SDK1: variants seen among roughly 807,000 people sequenced by gnomAD.
SDK1 encodes the protein protein sidekick-1.
SDK1 carries 157 observed loss-of-function variants against 245.5 expected under a neutral mutation model. The ratio of observed to expected loss-of-function variants is 0.64; its 90% CI spans 0.56 to 0.73. The LOEUF is 0.73. Among genes scored for constraint, SDK1 ranks in the 30% least tolerant of loss-of-function variants. SDK1 has a pLI of 0.00. For synonymous variants in SDK1, 1,647 were observed against 1,278.5 expected (o/e 1.29, Z -6.15); for missense variants, 3,583 against 3,002.3 (o/e 1.19, Z -4.52).
chr7:3,950,188 A>G lies in SDK1; in HGVS notation c.848-735A>G, dbSNP rs564553507. Among the ~76,000 whole-genome samples the G allele has an allele frequency of 1.6e-4, 24 of 152,302 alleles. No homozygotes were observed. In the East Asian group the frequency reaches 4.4e-3, roughly 28 times the overall value. On this transcript the variant is annotated intron_variant, in intron 5 of 44. Transcript: ENST00000404826. ...CCATGCCCGGTAGGACAGGCTGTGG[A>G]TTGTGCCTGAGGACACTGGCTGTGC... is the stretch of plus-strand genomic sequence containing the variant.
At chr7:3,582,243 C>CCCTCAGGTAGGTCTG (rs1562579656) in intron 1 of SDK1, among the ~76,000 whole-genome samples, 2 of 144,288 alleles carry the variant, frequency 1.4e-5, no homozygotes, top group Non-Finnish European at 3.1e-5. Context: ...AGGTAGGTCT[C>CCCTCAGGTAGGTCTG]CCTCAGGTAG....
chr7:3,418,682 T>G (rs1411778082), intron 1 of SDK1, among the ~76,000 whole-genome samples: 2 of 152,180 alleles, frequency 1.3e-5, no homozygotes, highest in Non-Finnish European at 2.9e-5. Context: ...CCAGGGTATA[T>G]TTTGGGAGGT....
At chr7:3,735,587 C>A (rs1331781778) in intron 4 of SDK1, among the ~76,000 whole-genome samples, 3 of 152,182 alleles carry the variant, frequency 2.0e-5, no homozygotes, top group Non-Finnish European at 4.4e-5. Flanking sequence ...TAAGGTTGTT[C>A]CCACCTTTTT....
At position 3,875,254 on chromosome 7, in the gene SDK1, C is replaced by A. The variant is rs377574664; in HGVS notation, c.847+53671C>A. On this transcript the variant is annotated intron_variant, in intron 5 of 44. Transcript: ENST00000404826. ...GTTCTCTGACAGAGTCAAGAAAAGT[C>A]ATTAGTCTGCACTTCGTCCAGCATT... 8.5e-5 allele frequency among the ~76,000 whole-genome samples: 13 copies of A among 152,268 alleles called. No individual in the cohort carries two copies. The East Asian group carries it at 2.5e-3, about 29-fold the overall frequency.
chr7:3,312,183 C>T (rs1032243138), intron 1 of SDK1, among the ~76,000 whole-genome samples: 7 of 152,142 alleles, frequency 4.6e-5, no homozygotes, highest in Non-Finnish European at 1.0e-4. Context: ...TCTTATAGTG[C>T]AACTAACCTT....
chr7:3,343,519 G>A (rs187319061), intron 1 of SDK1, among the ~76,000 whole-genome samples: 24 of 152,334 alleles, frequency 1.6e-4, no homozygotes, highest in Admixed American at 3.9e-4. Flanking sequence ...GGACATGGAT[G>A]TGGCTAATGA....
chr7:3,509,758 A>G (rs1562530346), intron 1 of SDK1, among the ~76,000 whole-genome samples: 1 of 152,188 alleles, frequency 6.6e-6, no homozygotes, highest in Non-Finnish European at 1.5e-5. Context: ...TCGGCCCTGC[A>G]GAGGATTTCT....
Position 4,113,455 on chromosome 7 carries a change from A to G in SDK1, c.3585+16A>G. 1 of 1,612,870 alleles carries G rather than the reference A, an allele frequency of 6.2e-7. No individual in the cohort carries two copies. Among genetic ancestry groups the G allele is most frequent in the Non-Finnish European group, 8.5e-7 (1 of 1,179,720 alleles). ...TCGCTGGGTGGTGAGTGGGGGTGAG[A>G]AGGGAGGCTGGAGGCACACGGGTCC... On this transcript the variant is annotated intron_variant, in intron 24 of 44. Transcript: ENST00000404826.
intron 1 of SDK1, among the ~76,000 whole-genome samples, chr7:3,416,739 A>G (rs1295903381): frequency 1.3e-5 from 2 of 152,082 alleles, no homozygotes; most frequent in African/African-American, 2.4e-5. Context: ...TCTCCAGCAC[A>G]TTTACCAGAA....
intron 35 of SDK1, among the ~76,000 whole-genome samples, chr7:4,184,802 T>C (rs1229947815): frequency 1.3e-5 from 2 of 152,188 alleles, no homozygotes; most frequent in African/African-American, 2.4e-5. Context: ...ACTCCTGCAC[T>C]GGAAGAGTTG....
At chr7:3,839,294 G>A (rs922399007) in intron 5 of SDK1, among the ~76,000 whole-genome samples, 4 of 152,126 alleles carry the variant, frequency 2.6e-5, no homozygotes, top group Admixed American at 6.6e-5. Context: ...CAAACATTAG[G>A]GTCGGTATTG....
In SDK1 at chr7:4,143,870, C is replaced by G. The variant is rs538693037; in HGVS notation, c.4229-1852C>G. 2.0e-5 allele frequency among the ~76,000 whole-genome samples: 3 copies of G among 152,324 alleles called. No individual in the cohort carries two copies. In the East Asian group the frequency reaches 5.8e-4, roughly 29 times the overall value. On this transcript the variant is annotated intron_variant, in intron 28 of 44. Transcript: ENST00000404826. Reference sequence around the variant, plus strand: ...TTGTCTTGTATGCTTCCTGACAGGCCTGCGGCGAGGGTCTGGCATGGGAAG... The same window carrying G: ...TTGTCTTGTATGCTTCCTGACAGGCGTGCGGCGAGGGTCTGGCATGGGAAG...
At position 4,265,186 on chromosome 7, in the gene SDK1, C is replaced by G; in HGVS notation, c.6444C>G (p.Ser2148Arg). 6.2e-7 allele frequency: 1 copy of G among 1,612,286 alleles called. No homozygotes were observed. The highest frequency in any genetic ancestry group is 1.1e-5 in the South Asian group (1 of 91,018). The change falls in exon 45 of 45, where the codon AGC becomes AGG. Residue 2148 changes from serine (S) to arginine (R), a missense_variant. Coordinates refer to ENST00000404826, the MANE Select transcript of SDK1 (RefSeq NM_152744.4). Reference sequence around the variant, plus strand: ...ACTCCTTCGTGAACCACTACATGAGCGACCCCACCTACTACAACTCATGGA... The same window carrying G: ...ACTCCTTCGTGAACCACTACATGAGGGACCCCACCTACTACAACTCATGGA... ...PKHSFVNHYM[S>R]DPTYYNSWKR...
At chr7:3,908,297 C>T (rs1779031849) in intron 5 of SDK1, among the ~76,000 whole-genome samples, 1 of 152,172 alleles carries the variant, frequency 6.6e-6, no homozygotes, top group Admixed American at 6.5e-5. Context: ...AAATTCATTG[C>T]ACAAATGCAA....
At chr7:3,858,483 A>G (rs964084125) in intron 5 of SDK1, among the ~76,000 whole-genome samples, 1 of 152,160 alleles carries the variant, frequency 6.6e-6, no homozygotes, top group South Asian at 2.1e-4. Flanking sequence ...AAAAAATCAC[A>G]AGAAGCTTAA....
intron 1 of SDK1, among the ~76,000 whole-genome samples, chr7:3,436,176 A>G (rs987765082): frequency 6.6e-6 from 1 of 152,218 alleles, no homozygotes; most frequent in African/African-American, 2.4e-5. Flanking sequence ...AAGTGATTTG[A>G]TGAAGTAAGC....
At chr7:3,729,016 C>A (rs2115038513) in intron 4 of SDK1, among the ~76,000 whole-genome samples, 1 of 152,294 alleles carries the variant, frequency 6.6e-6, no homozygotes, top group Non-Finnish European at 1.5e-5. Flanking sequence ...AACGGTGTCT[C>A]CTGACCTTAG....
chr7:3,996,166 A>C (rs1437559996), intron 14 of SDK1, among the ~76,000 whole-genome samples: 1 of 152,172 alleles, frequency 6.6e-6, no homozygotes, highest in East Asian at 1.9e-4. Context: ...TAATCTATTT[A>C]TTTATGGTGT....
intron 5 of SDK1, among the ~76,000 whole-genome samples, chr7:3,830,559 A>G (rs1028200110): frequency 6.6e-6 from 1 of 152,108 alleles, no homozygotes; most frequent in African/African-American, 2.4e-5. Context: ...GCAGTGGCAC[A>G]TTCATGGCTC....
Sources: gnomAD v4.1 joint callset for allele counts (sites outside exome capture counted in the v4.1 genomes callset) on GRCh38, gnomAD v4.1.1 for gene constraint, MANE v1.5 for transcripts, NCBI Gene and HGNC (gene_info 2026-07-23, HGNC 2026-07-21) for gene names.